The following MCPH1 variants were observed in gnomAD, a reference collection of about 807,000 sequenced individuals.
The protein encoded by MCPH1 is microcephalin.
Under a neutral mutation model 84.5 loss-of-function variants are expected in MCPH1, and 104 were observed. The ratio of observed to expected loss-of-function variants is 1.23; its 90% CI spans 1.05 to 1.45. MCPH1 has a LOEUF of 1.45. Among genes scored for constraint, MCPH1 ranks in the 40% most tolerant of loss-of-function variants. The pLI, the probability that MCPH1 is intolerant of heterozygous loss-of-function variation, is 0.00. For missense variants in MCPH1, 1,498 were observed against 1,005.7 expected (o/e 1.49, Z -6.62); for synonymous variants, 514 against 366.8 (o/e 1.40, Z -4.58).
intron 12 of MCPH1, among the ~76,000 whole-genome samples, chr8:6,510,570 C>A (rs975933462): frequency 2.0e-5 from 3 of 152,226 alleles, no homozygotes; most frequent in African/African-American, 7.2e-5. Flanking sequence ...CTTATAACCA[C>A]CTGCAGTGGT....
chr8:6,437,896 C>A (rs569599025), intron 5 of MCPH1, among the ~76,000 whole-genome samples: 1 of 152,206 alleles, frequency 6.6e-6, no homozygotes, highest in East Asian at 1.9e-4. Flanking sequence ...TTACGCTGCC[C>A]TCCACTGTCT....
chr8:6,572,963 T>G (rs1826784440), intron 12 of MCPH1, among the ~76,000 whole-genome samples: 1 of 152,182 alleles, frequency 6.6e-6, no homozygotes, highest in African/African-American at 2.4e-5. Context: ...CTCTGCCCTT[T>G]CTCCCTCCCT....
intron 12 of MCPH1, chr8:6,508,796 A>T (rs1287597131): frequency 2.4e-6 from 3 of 1,229,602 alleles, no homozygotes; most frequent in Non-Finnish European, 3.5e-6. Context: ...ACATTTACCT[A>T]TATCAAGCTA....
chr8:6,454,603 A>G (rs1244658020), intron 8 of MCPH1, among the ~76,000 whole-genome samples: 2 of 152,222 alleles, frequency 1.3e-5, no homozygotes, highest in South Asian at 2.1e-4. Flanking sequence ...TTTCACTTGA[A>G]TGAGTATCCT....
chr8:6,599,313 C>A (rs958101067), intron 12 of MCPH1, among the ~76,000 whole-genome samples: 5 of 152,164 alleles, frequency 3.3e-5, no homozygotes, highest in Non-Finnish European at 7.4e-5. Context: ...GTGACTCAGG[C>A]TTACTTGAAG....
At chr8:6,495,364 T>C (rs1006680869) in intron 11 of MCPH1, among the ~76,000 whole-genome samples, 1 of 152,204 alleles carries the variant, frequency 6.6e-6, no homozygotes, top group African/African-American at 2.4e-5. Flanking sequence ...AAGATGGACA[T>C]TGGTTTAAAC....
At chr8:6,422,082 A>C (rs956605397) in intron 3 of MCPH1, among the ~76,000 whole-genome samples, 2 of 152,206 alleles carry the variant, frequency 1.3e-5, no homozygotes. Context: ...TGTGTGTACT[A>C]TTAAAACTTA....
At chr8:6,489,061 G>A (rs983678132) in intron 11 of MCPH1, among the ~76,000 whole-genome samples, 4 of 152,066 alleles carry the variant, frequency 2.6e-5, no homozygotes, top group African/African-American at 4.8e-5. Context: ...AGGGAATTCT[G>A]GGGCAGAAGA....
At position 6,462,269 on chromosome 8, in the gene MCPH1, T is replaced by C. The variant is rs555527377; in HGVS notation, c.1935+7017T>C. Among the ~76,000 whole-genome samples the C allele has an allele frequency of 8.5e-4, 129 of 152,376 alleles. 1 individual carries two copies. In the South Asian group the frequency reaches 0.011, roughly 13 times the overall value. On this transcript the variant is annotated intron_variant, in intron 9 of 13. Transcript: ENST00000344683. ...ATAGCTTGCATATGCTGATAGTTGC[T>C]TGTTCTTACATCTTTGCTAGAATAT...
At position 6,513,691 on chromosome 8, in the gene MCPH1, C is replaced by G. The variant is rs775238160; in HGVS notation, c.2214+13762C>G. 6 of 1,609,306 alleles carry G rather than the reference C, an allele frequency of 3.7e-6. No individual in the cohort carries two copies. The South Asian group carries it at 5.6e-5, about 15-fold the overall frequency. ...GAACTCACTTACCTATAATTGAGTT[C>G]TTCACTTGAGAGATAGAAATGTTCA... On this transcript the variant is annotated intron_variant, in intron 12 of 13. Coordinates refer to ENST00000344683, the MANE Select transcript of MCPH1 (RefSeq NM_024596.5).
At chr8:6,617,836 C>T (rs149949281) in intron 12 of MCPH1, among the ~76,000 whole-genome samples, 153 of 152,118 alleles carry the variant, frequency 1.0e-3, no homozygotes, top group Non-Finnish European at 2.0e-3. Context: ...GACACCATGC[C>T]GGGCTTGCTT....
chr8:6,605,823 A>C (rs1829728375), intron 12 of MCPH1, among the ~76,000 whole-genome samples: 1 of 152,094 alleles, frequency 6.6e-6, no homozygotes, highest in Admixed American at 6.5e-5. Context: ...TCAGACTCCC[A>C]AGTAGCTGGG....
At chr8:6,627,020 C>G in intron 13 of MCPH1, 1 of 984,710 alleles carries the variant, frequency 1.0e-6, no homozygotes, top group South Asian at 4.7e-5. Context: ...GCCTGATTTT[C>G]TTATAACTTA....
chr8:6,583,849 C>G, intron 12 of MCPH1, among the ~76,000 whole-genome samples: 1 of 97,782 alleles, frequency 1.0e-5, no homozygotes, highest in South Asian at 3.8e-4. Flanking sequence ...GTGTTCATTT[C>G]TTGTTTTGTT....
chr8:6,467,911 T>C (rs958750053), intron 9 of MCPH1, among the ~76,000 whole-genome samples: 1 of 152,208 alleles, frequency 6.6e-6, no homozygotes, highest in African/African-American at 2.4e-5. Flanking sequence ...GGAGTAATTC[T>C]TGTGGAGTTG....
At chr8:6,515,938 G>A (rs1335149378) in intron 12 of MCPH1, among the ~76,000 whole-genome samples, 1 of 152,204 alleles carries the variant, frequency 6.6e-6, no homozygotes, top group Non-Finnish European at 1.5e-5. Context: ...AAAGAGGGGT[G>A]CAGAGGAAGT....
chr8:6,489,316 G>T (rs1810305840), intron 11 of MCPH1, among the ~76,000 whole-genome samples: 1 of 152,070 alleles, frequency 6.6e-6, no homozygotes, highest in South Asian at 2.1e-4. Context: ...CAGGGGGAAG[G>T]GGGAGGCAGG....
chr8:6,475,687 G>C (rs967561045), intron 9 of MCPH1, among the ~76,000 whole-genome samples: 5 of 152,244 alleles, frequency 3.3e-5, no homozygotes, highest in Admixed American at 2.6e-4. Context: ...GAGCAAGAGA[G>C]AGTGGGACCC....
At chr8:6,446,156 TTACTCCTATTC>T in intron 8 of MCPH1, 1 of 881,406 alleles carries the variant, frequency 1.1e-6, no homozygotes, top group Non-Finnish European at 1.4e-6. Context: ...TTGAAAAGGT[TTACTCCTATTC>T]ATAATTTAAT....
Sources: allele counts gnomAD v4.1 joint callset (sites outside exome capture counted in the v4.1 genomes callset), GRCh38; gene constraint gnomAD v4.1.1; transcripts MANE v1.5; gene names NCBI Gene and HGNC (gene_info 2026-07-23, HGNC 2026-07-21).